Variants in HSPA12A observed in about 807,000 individuals in gnomAD.
The protein encoded by HSPA12A is heat shock 70 kDa protein 12A.
In HSPA12A, 28 loss-of-function variants were observed where a neutral mutation model predicts 69.2. The ratio of observed to expected loss-of-function variants is 0.40; its 90% CI spans 0.30 to 0.55. HSPA12A has a LOEUF of 0.55. HSPA12A is among the 20% of genes least tolerant of loss of function. The pLI is 0.38. For synonymous variants in HSPA12A, 345 were observed against 370.5 expected, an observed-to-expected ratio of 0.93 and a Z score of 0.79; for missense variants, 686 against 900.7, an observed-to-expected ratio of 0.76 and a Z score of 3.05.
rs2133371805 is a variant in HSPA12A, at chr10:116,683,821, T to G, written c.805A>C (p.Ser269Arg). The G allele has an allele frequency of 1.3e-6, 2 of 1,572,732 alleles. No homozygotes were observed. Among genetic ancestry groups the G allele is most frequent in the Non-Finnish European group, 1.7e-6 (2 of 1,148,138 alleles). Residue 269 changes from serine to arginine, a missense_variant, in exon 7 of 12, where the codon AGT becomes CGT. Coordinates refer to ENST00000369209, the MANE Select transcript of HSPA12A (RefSeq NM_025015.3). ...SKAAVNGYSG[S>R]DTVGAGFTQA... ...GTAAACCCAGCTCCTACTGTGTCAC[T>G]GCCGCTGTACCCATTGACGGCTGCC...
Position 116,681,784 on chromosome 10 carries a change from A to C in HSPA12A, c.922+7T>G. 1 of 1,612,962 alleles carries C rather than the reference A, an allele frequency of 6.2e-7. No individual in the cohort carries two copies. The highest frequency in any genetic ancestry group is 1.7e-5 in the Admixed American group (1 of 60,004). ...CAGCAAGAGCAAAGGACATTGAAGG[A>C]CGCTACCTTCCTCCAGCTCGGACCA... On this transcript the variant is annotated splice_region_variant and intron_variant, in intron 8 of 11. Coordinates refer to ENST00000369209, the MANE Select transcript of HSPA12A (RefSeq NM_025015.3).
Position 116,705,422 on chromosome 10 carries a change from T to G in HSPA12A, c.127-144A>C. The G allele has an allele frequency of 3.9e-6, 4 of 1,033,090 alleles. No individual in the cohort carries two copies. In the South Asian group the frequency reaches 5.7e-5, roughly 15 times the overall value. The allele number at this position is 1,033,090 out of a possible 1,614,324, so 64.0% of individuals were successfully genotyped here. A position where few individuals can be genotyped will look rare whatever the true frequency, so the allele number is the denominator to read the frequency against. Reference sequence around the variant, plus strand: ...TATATTCCAGCTCAAGTCTACCACCTGGGGAGAAGGCAGCCCAGCCTGGGC... The same window carrying G: ...TATATTCCAGCTCAAGTCTACCACCGGGGGAGAAGGCAGCCCAGCCTGGGC... On this transcript the variant is annotated intron_variant, in intron 2 of 11. Transcript: ENST00000369209.
chr10:116,673,725 A>G lies in HSPA12A; in HGVS notation c.*1056T>C, dbSNP rs1409264462. 1.3e-5 allele frequency: 2 copies of G among 152,216 alleles called. No individual in the cohort carries two copies. The highest frequency in any genetic ancestry group is 2.4e-5 in the African/African-American group (1 of 41,444). The allele number at this position is 152,216 out of a possible 1,614,324, so 9.4% of individuals were successfully genotyped here. On this transcript the variant is annotated 3_prime_UTR_variant, in exon 12 of 12. Coordinates refer to ENST00000369209, the MANE Select transcript of HSPA12A (RefSeq NM_025015.3). ...ATTTTTAGAGAGACTTGAAAAACTGAAGATTTTAATGAAACATTGCATAGC... is the reference window on the plus strand; with the variant it reads ...ATTTTTAGAGAGACTTGAAAAACTGGAGATTTTAATGAAACATTGCATAGC...
chr10:116,782,001 T>C (rs1844474373), intron 2 of HSPA12A, among the ~76,000 whole-genome samples: 2 of 152,176 alleles, frequency 1.3e-5, no homozygotes, highest in African/African-American at 4.8e-5. Flanking sequence ...AAAGGGCTAG[T>C]ATCCAGGATG....
chr10:116,731,273 G>C (rs529096594), intron 1 of HSPA12A, among the ~76,000 whole-genome samples: 16 of 152,340 alleles, frequency 1.1e-4, no homozygotes, highest in South Asian at 2.1e-4. Context: ...AGCCAAAAAG[G>C]TACCTTTACA....
chr10:116,677,146 G>C (rs1554877847), intron 10 of HSPA12A, among the ~76,000 whole-genome samples: 1 of 152,180 alleles, frequency 6.6e-6, no homozygotes, highest in Non-Finnish European at 1.5e-5. Context: ...AGGGATAACT[G>C]CGCTTGCCTT....
rs953178469 is a variant in HSPA12A, at chr10:116,723,126, G to C, written c.41-15841C>G. ...ATCATCATGTCACTCCCAGCCTCAA[G>C]CACCTACTGTAGCTCTCTATCCCCT... is the stretch of plus-strand genomic sequence containing the variant. On this transcript the variant is annotated intron_variant, in intron 1 of 11. Transcript: ENST00000369209. This position sits in a 1 kb window ranked among gnomAD's most constrained non-coding sequence, Gnocchi z 4.1. Among the ~76,000 whole-genome samples, 1 of 152,070 alleles carries C rather than the reference G, an allele frequency of 6.6e-6. No individual in the cohort carries two copies. The highest frequency in any genetic ancestry group is 1.5e-5 in the Non-Finnish European group (1 of 68,010).
At chr10:116,817,165 A>T (rs535342487) in intron 2 of HSPA12A, among the ~76,000 whole-genome samples, 11 of 152,228 alleles carry the variant, frequency 7.2e-5, no homozygotes, top group African/African-American at 2.6e-4. Context: ...ACAAAAGGAG[A>T]AACCCATTTG....
intron 2 of HSPA12A, among the ~76,000 whole-genome samples, chr10:116,747,849 A>G (rs1851684101): frequency 6.6e-6 from 1 of 151,898 alleles, no homozygotes; most frequent in Non-Finnish European, 1.5e-5. Flanking sequence ...AAATACAAAA[A>G]TTAGCTGGGC....
At chr10:116,741,429 C>A (rs1453375882) in intron 1 of HSPA12A, among the ~76,000 whole-genome samples, 2 of 152,240 alleles carry the variant, frequency 1.3e-5, no homozygotes, top group African/African-American at 2.4e-5. Context: ...TCCTCGCAGG[C>A]GGCTTGCCTG....
At chr10:116,745,336 C>T (rs1851625450), upstream of HSPA12A, among the ~76,000 whole-genome samples, 1 of 152,224 alleles carries the variant, frequency 6.6e-6, no homozygotes, top group African/African-American at 2.4e-5. Context: ...CTTTCCACAG[C>T]CCCAGCTGTC....
chr10:116,789,771 A>G (rs1844661414), intron 2 of HSPA12A, among the ~76,000 whole-genome samples: 1 of 152,130 alleles, frequency 6.6e-6, no homozygotes. Flanking sequence ...TGCATTTCTG[A>G]AGGGCCTAAT....
chr10:116,686,202 T>G lies in HSPA12A; in HGVS notation c.664-2240A>C, dbSNP rs1486566846. Among the ~76,000 whole-genome samples the G allele has an allele frequency of 6.6e-6, 1 of 152,154 alleles. No individual in the cohort carries two copies. Among genetic ancestry groups the G allele is most frequent in the African/African-American group, 2.4e-5 (1 of 41,424 alleles). ...GTTAAAGTGAAAGAGGATGTGGCTCTCACACGTATGGTGCCCTCGGGAAAG... is the reference window on the plus strand; with the variant it reads ...GTTAAAGTGAAAGAGGATGTGGCTCGCACACGTATGGTGCCCTCGGGAAAG... On this transcript the variant is annotated intron_variant, in intron 6 of 11. Coordinates refer to ENST00000369209, the MANE Select transcript of HSPA12A (RefSeq NM_025015.3). The surrounding 1 kb of genome is among the most constrained non-coding windows in gnomAD (Gnocchi z 4.1).
intron 2 of HSPA12A, among the ~76,000 whole-genome samples, chr10:116,807,078 G>A (rs954290956): frequency 6.6e-6 from 1 of 152,126 alleles, no homozygotes; most frequent in African/African-American, 2.4e-5. Context: ...GAGGGACTGT[G>A]GCCCTGCCAA....
At chr10:116,812,080 T>C (rs187184643) in intron 2 of HSPA12A, among the ~76,000 whole-genome samples, 7 of 152,340 alleles carry the variant, frequency 4.6e-5, no homozygotes, top group Non-Finnish European at 1.0e-4. Context: ...TGTATTCATC[T>C]GGGAAAAGTG....
chr10:116,743,691 C>A (rs1851582731), upstream of HSPA12A, among the ~76,000 whole-genome samples: 1 of 150,438 alleles, frequency 6.6e-6, no homozygotes, highest in Admixed American at 6.6e-5. Flanking sequence ...ACGGAGTGGG[C>A]AGAGAGCTGC....
chr10:116,833,078 AAAAC>A (rs1198298648), intron 2 of HSPA12A: 1 of 152,248 alleles, frequency 6.6e-6, no homozygotes, highest in Non-Finnish European at 1.5e-5. Flanking sequence ...AGATTTTCAT[AAAAC>A]AAACATTGCT....
intron 2 of HSPA12A, among the ~76,000 whole-genome samples, chr10:116,817,274 A>T (rs1207569889): frequency 6.6e-6 from 1 of 152,006 alleles, no homozygotes; most frequent in East Asian, 1.9e-4. Flanking sequence ...CTGAGGTCTA[A>T]TTTTTTCTAA....
chr10:116,762,107 C>T (rs749005587), intron 2 of HSPA12A, among the ~76,000 whole-genome samples: 1 of 152,196 alleles, frequency 6.6e-6, no homozygotes, highest in African/African-American at 2.4e-5. Flanking sequence ...CCAAATACAG[C>T]GTGGCCCTTG....
Sources: gnomAD v4.1 joint callset for allele counts (sites outside exome capture counted in the v4.1 genomes callset) on GRCh38, gnomAD v4.1.1 for gene constraint, Gnocchi (gnomAD v3.1) non-coding constraint, MANE v1.5 for transcripts, NCBI Gene and HGNC (gene_info 2026-07-23, HGNC 2026-07-21) for gene names.